SLC35F1: variants seen among roughly 807,000 people sequenced by gnomAD.
SLC35F1 encodes chromosome 6 open reading frame 169.
Under a neutral mutation model 48.7 loss-of-function variants are expected in SLC35F1, and 14 were observed. The ratio of observed to expected loss-of-function variants is 0.29; its 90% CI spans 0.19 to 0.45. The LOEUF (loss-of-function observed/expected upper bound fraction) is 0.45, where lower values mean the gene tolerates loss of function less well. Among genes scored for constraint, SLC35F1 ranks in the 20% least tolerant of loss-of-function variants. The pLI is 1.00. For synonymous variants in SLC35F1, 190 were observed against 202.2 expected, an observed-to-expected ratio of 0.94 and a Z score of 0.51; for missense variants, 404 against 500.0, an observed-to-expected ratio of 0.81 and a Z score of 1.83.
At chr6:118,306,986 A>G (rs1190768688) in intron 7 of SLC35F1, among the ~76,000 whole-genome samples, 1 of 152,238 alleles carries the variant, frequency 6.6e-6, no homozygotes, top group African/African-American at 2.4e-5. Context: ...TGCAAACTAA[A>G]CAGAAGGCCT....
At chr6:118,003,462 A>G (rs912597898) in intron 1 of SLC35F1, among the ~76,000 whole-genome samples, 20 of 152,238 alleles carry the variant, frequency 1.3e-4, no homozygotes, top group Non-Finnish European at 1.0e-4. Flanking sequence ...GATGGGTCAC[A>G]TCAATGATGC....
chr6:117,934,670 C>A (rs560842385), intron 1 of SLC35F1, among the ~76,000 whole-genome samples: 2 of 152,044 alleles, frequency 1.3e-5, no homozygotes, highest in Non-Finnish European at 2.9e-5. Flanking sequence ...TTAGACAAAC[C>A]ATTATATTTA....
intron 1 of SLC35F1, among the ~76,000 whole-genome samples, chr6:117,966,380 G>A (rs1776570716): frequency 6.6e-6 from 1 of 151,064 alleles, no homozygotes; most frequent in African/African-American, 2.4e-5. Flanking sequence ...TTTAAGAGCT[G>A]TAACACTCGC....
At chr6:118,278,312 G>T (rs1488056849) in intron 6 of SLC35F1, among the ~76,000 whole-genome samples, 1 of 152,162 alleles carries the variant, frequency 6.6e-6, no homozygotes, top group African/African-American at 2.4e-5. Context: ...AATGTAAGTG[G>T]CAGGGAGGGG....
chr6:118,112,775 G>A (rs1113896), intron 1 of SLC35F1, among the ~76,000 whole-genome samples: 29,286 of 151,968 alleles, frequency 0.19, 3,325 homozygotes, highest in East Asian at 0.39. Flanking sequence ...GCTTAAAACC[G>A]AAGAAGCCAG....
chr6:118,045,349 G>T (rs72959847), intron 1 of SLC35F1, among the ~76,000 whole-genome samples: 26,223 of 152,046 alleles, frequency 0.17, 2,520 homozygotes, highest in Admixed American at 0.28. Context: ...GAGTTAAGAA[G>T]GTCTCAGGTC....
chr6:118,186,356 G>T (rs923139549), intron 2 of SLC35F1, among the ~76,000 whole-genome samples: 2 of 151,516 alleles, frequency 1.3e-5, no homozygotes, highest in Non-Finnish European at 2.9e-5. Flanking sequence ...AGATAATAGC[G>T]CCCCCACCCC....
At chr6:117,919,593 T>A (rs76137189) in intron 1 of SLC35F1, among the ~76,000 whole-genome samples, 2,452 of 152,206 alleles carry the variant, frequency 0.016, 162 homozygotes, top group Admixed American at 0.11. Context: ...GTCATGAGCC[T>A]TGTCAGTCAG....
intron 1 of SLC35F1, among the ~76,000 whole-genome samples, chr6:118,027,822 A>G (rs1010174564): frequency 2.0e-5 from 3 of 151,980 alleles, no homozygotes; most frequent in African/African-American, 7.2e-5. Flanking sequence ...TCCAATTTGT[A>G]TTGTTTCTTT....
intron 1 of SLC35F1, among the ~76,000 whole-genome samples, chr6:118,019,048 A>G (rs532429418): frequency 3.9e-5 from 6 of 152,172 alleles, no homozygotes; most frequent in Non-Finnish European, 7.4e-5. Flanking sequence ...TTCTTCACGT[A>G]TCTTTTCTCT....
At chr6:118,275,829 T>G (rs1159495595) in intron 5 of SLC35F1, among the ~76,000 whole-genome samples, 1 of 152,204 alleles carries the variant, frequency 6.6e-6, no homozygotes, top group Non-Finnish European at 1.5e-5. Context: ...CACTTAATGT[T>G]TATAAAACAT....
chr6:118,145,247 C>T (rs12662262), intron 1 of SLC35F1, among the ~76,000 whole-genome samples: 72,255 of 151,958 alleles, frequency 0.48, 18,455 homozygotes, highest in Middle Eastern at 0.62. Flanking sequence ...TGGCTTCTTT[C>T]GATGAGTGAC....
chr6:118,182,160 A>T (rs188808143), intron 2 of SLC35F1, among the ~76,000 whole-genome samples: 65 of 152,186 alleles, frequency 4.3e-4, no homozygotes, highest in Middle Eastern at 3.4e-3. Context: ...AGAATAGAAT[A>T]AATTCAAGGT....
At chr6:118,217,195 A>G (rs933744356) in intron 2 of SLC35F1, among the ~76,000 whole-genome samples, 1 of 152,212 alleles carries the variant, frequency 6.6e-6, no homozygotes, top group Admixed American at 6.5e-5. Context: ...TGTTCATAGC[A>G]GCGTTTTATT....
At chr6:117,936,247 C>T (rs1293628094) in intron 1 of SLC35F1, among the ~76,000 whole-genome samples, 3 of 152,198 alleles carry the variant, frequency 2.0e-5, no homozygotes, top group Non-Finnish European at 4.4e-5. Flanking sequence ...CTTGTGAACA[C>T]TGACAGTCCA....
intron 3 of SLC35F1, among the ~76,000 whole-genome samples, chr6:118,252,044 T>C (rs953148906): frequency 6.6e-6 from 1 of 152,146 alleles, no homozygotes; most frequent in Admixed American, 6.5e-5. Context: ...AAGTTACTAG[T>C]AGTAAGAGAC....
intron 2 of SLC35F1, among the ~76,000 whole-genome samples, chr6:118,231,996 C>T (rs955605106): frequency 1.3e-5 from 2 of 152,160 alleles, no homozygotes; most frequent in African/African-American, 4.8e-5. Flanking sequence ...AAACAATTCT[C>T]GTAGGCTGAA....
chr6:118,225,054 T>C, intron 2 of SLC35F1, among the ~76,000 whole-genome samples: 1 of 152,240 alleles, frequency 6.6e-6, no homozygotes, highest in East Asian at 1.9e-4. Flanking sequence ...GGATATTCCA[T>C]GCGCATGGGT....
At chr6:118,038,046 A>G (rs1461162034) in intron 1 of SLC35F1, among the ~76,000 whole-genome samples, 1 of 152,154 alleles carries the variant, frequency 6.6e-6, no homozygotes, top group Non-Finnish European at 1.5e-5. Context: ...TAAAAAAAAT[A>G]CTATTTCAGG....
Sources: allele counts gnomAD v4.1 joint callset (sites outside exome capture counted in the v4.1 genomes callset), GRCh38; gene constraint gnomAD v4.1.1; transcripts MANE v1.5; gene names NCBI Gene and HGNC (gene_info 2026-07-23, HGNC 2026-07-21).